ATP10B: variants seen among roughly 807,000 people sequenced by gnomAD.
ATP10B encodes the protein ATPase phospholipid transporting 10B (putative).
Under a neutral mutation model 141.2 loss-of-function variants are expected in ATP10B, and 122 were observed. The ratio of observed to expected loss-of-function variants is 0.86; its 90% confidence interval spans 0.75 to 1.00. The LOEUF (loss-of-function observed/expected upper bound fraction) is 1.00. Among genes scored for constraint, ATP10B ranks in the 50% least tolerant of loss-of-function variants. ATP10B has a pLI of 0.00. For synonymous variants in ATP10B, 685 were observed against 692.0 expected, an observed-to-expected ratio of 0.99 and a Z score of 0.16; for missense variants, 1,876 against 1,825.3, an observed-to-expected ratio of 1.03 and a Z score of -0.51.
In ATP10B at chr5:160,620,852, G is replaced by A. The variant is rs1001099550; in HGVS notation, c.1911C>T (p.Phe637=). 2 of 1,614,230 alleles carry A rather than the reference G, an allele frequency of 1.2e-6. No individual in the cohort carries two copies. The highest frequency in any genetic ancestry group is 2.2e-5 in the East Asian group (1 of 44,880). Residue 637 remains phenylalanine (F), a synonymous_variant, in exon 15 of 26, where the codon TTC becomes TTT. Coordinates refer to ENST00000327245, the MANE Select transcript of ATP10B (RefSeq NM_025153.3). The part of the protein sequence containing the change: ...KLKLLSLSQS[F]SSTAPSDTDL... ...CTGTGTCAGAGGGTGCAGTGGATGA[G>A]AATGACTGGCTGAGGCTCAATAGCT...
the ATP10B span, among the ~76,000 whole-genome samples, chr5:160,874,288 C>G: frequency 4.0e-5 from 6 of 151,864 alleles, no homozygotes; most frequent in African/African-American, 7.3e-5. Flanking sequence ...ACACCTCACA[C>G]GGCAGGGTAT....
In ATP10B at chr5:160,612,909, T is replaced by G; in HGVS notation, c.2670A>C (p.Glu890Asp). Residue 890 changes from glutamate (E) to aspartate (D), a missense_variant, in exon 18 of 26, where the codon GAA becomes GAC. Physicochemically the swap from Glu to Asp is conservative, Grantham distance 45. Coordinates refer to ENST00000327245, the MANE Select transcript of ATP10B (RefSeq NM_025153.3). ...CTGGAACTCCTTCCTGCAGCCGGTC[T>G]TCGATCCCAGTGGCTCCTGGAGTGA... The part of the protein sequence containing the change: ...QLTLLGATGI[E>D]DRLQEGVPDT... The G allele has an allele frequency of 6.2e-7, 1 of 1,613,428 alleles. No individual in the cohort carries two copies. The highest frequency in any genetic ancestry group is 8.5e-7 in the Non-Finnish European group (1 of 1,179,738).
intron 22 of ATP10B, among the ~76,000 whole-genome samples, chr5:160,596,293 A>G (rs1756690334): frequency 6.6e-6 from 1 of 152,170 alleles, no homozygotes; most frequent in African/African-American, 2.4e-5. Flanking sequence ...GACAAAAACC[A>G]CGTGATTATC....
upstream of ATP10B, among the ~76,000 whole-genome samples, chr5:160,852,488 C>T (rs1222430472): frequency 1.3e-5 from 2 of 152,108 alleles, no homozygotes; most frequent in Admixed American, 1.3e-4. Flanking sequence ...AAATATGATT[C>T]AGCTGCTGGG....
intron 7 of ATP10B, among the ~76,000 whole-genome samples, chr5:160,651,613 A>C (rs1434815538): frequency 1.3e-5 from 2 of 152,130 alleles, no homozygotes; most frequent in Non-Finnish European, 2.9e-5. Context: ...TAGAGCTTTT[A>C]GCAAAGGGCG....
the ATP10B span, among the ~76,000 whole-genome samples, chr5:160,865,113 C>T: frequency 6.6e-6 from 1 of 151,940 alleles, no homozygotes; most frequent in Non-Finnish European, 1.5e-5. Context: ...CCCACAGAGC[C>T]AAAGCACTAC....
the ATP10B span, among the ~76,000 whole-genome samples, chr5:160,917,714 T>C: frequency 3.3e-5 from 5 of 152,156 alleles, no homozygotes; most frequent in Admixed American, 2.0e-4. Flanking sequence ...GTGAGACATA[T>C]TCTTGCAGAC....
At chr5:160,821,246 C>A (rs12656340) in intron 1 of ATP10B, among the ~76,000 whole-genome samples, 51,995 of 151,718 alleles carry the variant, frequency 0.34, 9,864 homozygotes, top group East Asian at 0.45. Context: ...AGAAATGTAA[C>A]AAGTAATTCC....
In ATP10B at chr5:160,563,364, C is replaced by T. The variant is rs566398250; in HGVS notation, c.*2089G>A. On this transcript the variant is annotated 3_prime_UTR_variant, in exon 26 of 26. Coordinates refer to ENST00000327245, the MANE Select transcript of ATP10B (RefSeq NM_025153.3). Reference sequence around the variant, plus strand: ...TGCTCCAGTTTCCTAGGATTTGGGACTCTGTAAAAATGAGAAAGTCCCAGG... The same window carrying T: ...TGCTCCAGTTTCCTAGGATTTGGGATTCTGTAAAAATGAGAAAGTCCCAGG... 6.6e-6 allele frequency: 1 copy of T among 152,200 alleles called. No individual in the cohort carries two copies. Among genetic ancestry groups the T allele is most frequent in the African/African-American group, 2.4e-5 (1 of 41,528 alleles). 9.4% of individuals were successfully genotyped at this position (152,200 alleles called of 1,614,324 possible).
intron 9 of ATP10B, 145 bp from the exon 10 acceptor site, chr5:160,640,737 G>A: frequency 2.8e-6 from 3 of 1,085,506 alleles, no homozygotes; most frequent in Non-Finnish European, 3.9e-6. Context: ...GAAGGTTGCT[G>A]AGAACAGCTG....
chr5:160,910,938 G>C, the ATP10B span, among the ~76,000 whole-genome samples: 1 of 152,170 alleles, frequency 6.6e-6, no homozygotes, highest in African/African-American at 2.4e-5. Context: ...CTGGGCGTAA[G>C]TTCTTACTCT....
At chr5:160,597,417 C>G (rs533677038) in intron 22 of ATP10B, among the ~76,000 whole-genome samples, 8 of 152,084 alleles carry the variant, frequency 5.3e-5, no homozygotes, top group Non-Finnish European at 7.4e-5. Context: ...AAGACTTAAA[C>G]GTTAGACCTA....
intron 1 of ATP10B, among the ~76,000 whole-genome samples, chr5:160,847,324 A>T (rs574042850): frequency 2.0e-5 from 3 of 152,316 alleles, no homozygotes; most frequent in South Asian, 4.1e-4. Flanking sequence ...GAAGAGAAGC[A>T]AGTTTCGCCA....
chr5:160,704,642 T>C (rs2127764292), intron 3 of ATP10B, among the ~76,000 whole-genome samples: 1 of 152,326 alleles, frequency 6.6e-6, no homozygotes, highest in East Asian at 1.9e-4. Flanking sequence ...AGCCAGGCAT[T>C]GAGTTCTCTC....
chr5:160,607,838 G>A (rs4921154), intron 18 of ATP10B, among the ~76,000 whole-genome samples: 120,761 of 152,158 alleles, frequency 0.79, 48,016 homozygotes, highest in East Asian at 0.85. Flanking sequence ...TATATCAAAA[G>A]TAGTCATATT....
chr5:160,679,661 C>A (rs1030450548), intron 6 of ATP10B, among the ~76,000 whole-genome samples: 4 of 152,184 alleles, frequency 2.6e-5, no homozygotes, highest in Non-Finnish European at 5.9e-5. Flanking sequence ...GACTGAGAGT[C>A]CTTTGAGGGC....
At chr5:160,640,422 C>T (rs754348153) in intron 10 of ATP10B, 39 bp downstream of exon 10, 7 of 1,593,636 alleles carry the variant, frequency 4.4e-6, no homozygotes, top group East Asian at 2.2e-5. Context: ...CCAAATAAAT[C>T]GATTACTGTG....
chr5:160,807,541 T>C (rs1285398076), intron 1 of ATP10B, among the ~76,000 whole-genome samples: 3 of 152,168 alleles, frequency 2.0e-5, no homozygotes, highest in Admixed American at 2.0e-4. Context: ...TAACAGATTT[T>C]ATAAAGCTAT....
the ATP10B span, among the ~76,000 whole-genome samples, chr5:160,926,587 C>T: frequency 1.4e-4 from 21 of 152,298 alleles, no homozygotes; most frequent in East Asian, 5.8e-4. Context: ...ACGCCAGAAA[C>T]GCTTAACACC....
Sources: gnomAD v4.1 joint callset for allele counts (sites outside exome capture counted in the v4.1 genomes callset) on GRCh38, gnomAD v4.1.1 for gene constraint, MANE v1.5 for transcripts, NCBI Gene and HGNC (gene_info 2026-07-23, HGNC 2026-07-21) for gene names.